Variants in NTRK2 observed in about 807,000 individuals in gnomAD.
NTRK2 encodes the protein BDNF/NT-3 growth factors receptor.
NTRK2 carries 13 observed loss-of-function variants against 94.5 expected under a neutral mutation model. That is an observed-to-expected ratio of 0.14 (90% CI 0.09 to 0.22). The LOEUF (loss-of-function observed/expected upper bound fraction) is 0.22. Among genes scored for constraint, NTRK2 ranks in the 10% least tolerant of loss-of-function variants. The pLI is 1.00. For synonymous variants in NTRK2, 372 were observed against 407.4 expected (o/e 0.91, Z 1.05); for missense variants, 639 against 1,071.2 (o/e 0.60, Z 5.63).
intron 14 of NTRK2, among the ~76,000 whole-genome samples, chr9:84,929,882 A>G (rs985809171): frequency 6.6e-6 from 1 of 152,110 alleles, no homozygotes; most frequent in Non-Finnish European, 1.5e-5. Context: ...TTCTTATTAC[A>G]GTTGCTTATG....
Position 84,881,754 on chromosome 9 carries a change from A to T in NTRK2, c.1633+14323A>T, listed in dbSNP as rs75311418. On this transcript the variant is annotated intron_variant, in intron 14 of 18. Transcript: ENST00000277120. Reference sequence around the variant, plus strand: ...TTGCATATTAGCTATGCCCATTGCCATGTCTGTTCAGTGTTGGGTTTGAAG... The same window carrying T: ...TTGCATATTAGCTATGCCCATTGCCTTGTCTGTTCAGTGTTGGGTTTGAAG... 4.7e-3 allele frequency among the ~76,000 whole-genome samples: 710 copies of T among 152,250 alleles called. 13 individuals carry two copies. Among genetic ancestry groups the T allele is most frequent in the Admixed American group, 0.038 (578 of 15,304 alleles).
intron 12 of NTRK2, among the ~76,000 whole-genome samples, chr9:84,786,186 G>A (rs752696258): frequency 2.0e-5 from 3 of 152,168 alleles, no homozygotes; most frequent in Non-Finnish European, 4.4e-5. Flanking sequence ...AATCAAGTTG[G>A]TAAAATTTAT....
At chr9:84,674,627 G>T (rs564736067) in intron 2 of NTRK2, among the ~76,000 whole-genome samples, 1 of 152,302 alleles carries the variant, frequency 6.6e-6, no homozygotes, top group African/African-American at 2.4e-5. Context: ...TTGGAGCACG[G>T]TTACATAAGC....
chr9:84,705,168 A>G (rs545587412), intron 4 of NTRK2, among the ~76,000 whole-genome samples: 7 of 151,916 alleles, frequency 4.6e-5, no homozygotes, highest in Non-Finnish European at 8.8e-5. Context: ...GGAAATTTAA[A>G]TGGGATCCTC....
intron 14 of NTRK2, among the ~76,000 whole-genome samples, chr9:84,882,732 G>GCGCGCGCGCGCA (rs1308161886): frequency 2.0e-5 from 3 of 151,570 alleles, no homozygotes; most frequent in Non-Finnish European, 2.9e-5. Context: ...GCGCGCGCGC[G>GCGCGCGCGCGCA]CATGTGTGCA....
intron 17 of NTRK2, among the ~76,000 whole-genome samples, chr9:84,963,055 T>G (rs1825142506): frequency 6.6e-6 from 1 of 152,226 alleles, no homozygotes. Flanking sequence ...GTACTTGGTC[T>G]TTCCCTCCTG....
chr9:85,001,175 G>T (rs1564539336), intron 17 of NTRK2, among the ~76,000 whole-genome samples: 1 of 151,290 alleles, frequency 6.6e-6, no homozygotes, highest in African/African-American at 2.4e-5. Flanking sequence ...TCTGGTGCTA[G>T]TTCTTCCTGT....
intron 14 of NTRK2, among the ~76,000 whole-genome samples, chr9:84,891,257 C>T (rs2076586163): frequency 6.6e-6 from 1 of 151,774 alleles, no homozygotes; most frequent in Admixed American, 6.6e-5. Flanking sequence ...AAGTGCCAGG[C>T]CTTCCGAAAG....
chr9:84,668,540 C>G (rs1361750042), upstream of NTRK2: 1 of 152,276 alleles, frequency 6.6e-6, no homozygotes, highest in Non-Finnish European at 1.5e-5. Context: ...AGATTCCGAG[C>G]CGCAAAAGGG....
intron 12 of NTRK2, among the ~76,000 whole-genome samples, chr9:84,781,177 T>C (rs2067528625): frequency 6.6e-6 from 1 of 152,174 alleles, no homozygotes; most frequent in Non-Finnish European, 1.5e-5. Context: ...ACAAAGTAAC[T>C]GTGTGGTTCA....
chr9:84,707,225 G>A (rs1012768347), intron 4 of NTRK2, among the ~76,000 whole-genome samples: 11 of 152,074 alleles, frequency 7.2e-5, no homozygotes, highest in African/African-American at 2.7e-4. Flanking sequence ...TCTGAAGATG[G>A]TATGTCACTA....
At chr9:84,989,359 A>G (rs1294391150) in intron 17 of NTRK2, among the ~76,000 whole-genome samples, 3 of 152,168 alleles carry the variant, frequency 2.0e-5, no homozygotes, top group Admixed American at 1.3e-4. Context: ...TTATATATTT[A>G]TTAACTAGAT....
chr9:84,965,151 AG>A (rs1825406111), intron 17 of NTRK2, among the ~76,000 whole-genome samples: 1 of 152,182 alleles, frequency 6.6e-6, no homozygotes, highest in Admixed American at 6.5e-5. Flanking sequence ...TGGTTCAAGA[AG>A]GCTTTGAAAA....
chr9:84,978,400 C>A (rs1171492940), intron 17 of NTRK2, among the ~76,000 whole-genome samples: 4 of 152,116 alleles, frequency 2.6e-5, no homozygotes, highest in African/African-American at 4.8e-5. Flanking sequence ...CACAACATTC[C>A]CTTAAACCAA....
intron 17 of NTRK2, among the ~76,000 whole-genome samples, chr9:84,980,493 C>T (rs1827451191): frequency 1.3e-5 from 2 of 152,206 alleles, no homozygotes; most frequent in South Asian, 4.1e-4. Flanking sequence ...AATACATGAA[C>T]ATTACTAACT....
At chr9:84,894,926 A>C (rs1413239352) in intron 14 of NTRK2, among the ~76,000 whole-genome samples, 1 of 152,230 alleles carries the variant, frequency 6.6e-6, no homozygotes, top group Non-Finnish European at 1.5e-5. Flanking sequence ...GCTCAGCTGG[A>C]ACAAAATCAC....
intron 9 of NTRK2, among the ~76,000 whole-genome samples, chr9:84,740,554 A>C (rs1356408324): frequency 1.3e-5 from 2 of 152,238 alleles, no homozygotes; most frequent in Admixed American, 6.5e-5. Flanking sequence ...TGTGCACTGC[A>C]CAATTTCCCA....
At chr9:84,861,470 A>G (rs2131996859) in intron 13 of NTRK2, among the ~76,000 whole-genome samples, 1 of 152,294 alleles carries the variant, frequency 6.6e-6, no homozygotes, top group South Asian at 2.1e-4. Context: ...ACTTTCTTCC[A>G]TTGGCCAAGA....
chr9:84,704,889 C>T (rs1240969971), intron 4 of NTRK2, among the ~76,000 whole-genome samples: 1 of 152,090 alleles, frequency 6.6e-6, no homozygotes, highest in African/African-American at 2.4e-5. Context: ...GGAATTAAGT[C>T]AGGTGTCTGC....
Sources: gnomAD v4.1 joint callset for allele counts (sites outside exome capture counted in the v4.1 genomes callset) on GRCh38, gnomAD v4.1.1 for gene constraint, MANE v1.5 for transcripts, NCBI Gene and HGNC (gene_info 2026-07-23, HGNC 2026-07-21) for gene names.